Variants in FAS observed in about 807,000 individuals in gnomAD.
The protein encoded by FAS is Fas cell surface death receptor.
FAS carries 5 observed loss-of-function variants against 33.2 expected under a neutral mutation model. The ratio of observed to expected loss-of-function variants is 0.15; its 90% confidence interval spans 0.08 to 0.32. The LOEUF (loss-of-function observed/expected upper bound fraction) is 0.32, where lower values mean the gene tolerates loss of function less well. Ranked by LOEUF, FAS falls within the 10% of genes least tolerant of loss-of-function variation. The pLI is 1.00. For missense variants in FAS, 339 were observed against 386.0 expected, an observed-to-expected ratio of 0.88 and a Z score of 1.02; for synonymous variants, 131 against 130.7, an observed-to-expected ratio of 1.00 and a Z score of -0.01.
chr10:88,984,581 T>C (rs1846818646), upstream of FAS, among the ~76,000 whole-genome samples: 1 of 152,082 alleles, frequency 6.6e-6, no homozygotes, highest in East Asian at 1.9e-4. Flanking sequence ...ACTGGTTCAA[T>C]ATTGTGTTGA....
intron 1 of FAS, among the ~76,000 whole-genome samples, chr10:88,993,033 T>C (rs2133404616): frequency 6.6e-6 from 1 of 152,308 alleles, no homozygotes; most frequent in Admixed American, 6.5e-5. Flanking sequence ...GGGGAGCTGT[T>C]TTCTGCTTTT....
chr10:89,016,930 T>C lies in FAS; in HGVS notation c.*2480T>C, dbSNP rs937211472. 7 of 189,180 alleles carry C rather than the reference T, an allele frequency of 3.7e-5. No individual in the cohort carries two copies. Among genetic ancestry groups the C allele is most frequent in the African/African-American group, 1.4e-4 (6 of 42,900 alleles). 11.7% of individuals were successfully genotyped at this position (189,180 alleles called of 1,614,324 possible). On this transcript the variant is annotated 3_prime_UTR_variant, in exon 9 of 9. Coordinates refer to ENST00000652046, the MANE Select transcript of FAS (RefSeq NM_000043.6). Reference sequence around the variant, plus strand: ...TGTACAACTATCTGAATAAGGTATATAATCAATGAAATTTAGAATTTTTTT... The same window carrying C: ...TGTACAACTATCTGAATAAGGTATACAATCAATGAAATTTAGAATTTTTTT...
At chr10:88,986,695 G>GCAGGAAGGAAGTGGTA (rs1171650787), upstream of FAS, among the ~76,000 whole-genome samples, 535 of 72,186 alleles carry the variant, frequency 7.4e-3, 5 homozygotes, top group Non-Finnish European at 0.011. Flanking sequence ...AGGAAGTAGT[G>GCAGGAAGGAAGTGGTA]CAGGAAGGAA....
Position 89,015,446 on chromosome 10 carries a change from T to G in FAS, c.*996T>G, listed in dbSNP as rs1280507348. The stretch of plus-strand genomic sequence containing the variant: ...CCACCCCCGAAAATGTTCAATAATG[T>G]CCCATGTAAAACCTGCTACAAATGG... On this transcript the variant is annotated 3_prime_UTR_variant, in exon 9 of 9. Transcript: ENST00000652046. 5.6e-6 allele frequency: 3 copies of G among 533,986 alleles called. No individual in the cohort carries two copies. The highest frequency in any genetic ancestry group is 2.2e-5 in the Admixed American group (1 of 44,930). The allele number at this position is 533,986 out of a possible 1,614,324, so 33.1% of individuals were successfully genotyped here. A position where few individuals can be genotyped will look rare whatever the true frequency, so the allele number is the denominator to read the frequency against.
At position 89,010,750 on chromosome 10, in the gene FAS, C is replaced by T; in HGVS notation, c.506-3C>T. 1 of 1,614,048 alleles carries T rather than the reference C, an allele frequency of 6.2e-7. No homozygotes were observed. The highest frequency in any genetic ancestry group is 8.5e-7 in the Non-Finnish European group (1 of 1,179,970). On this transcript the variant is annotated splice_polypyrimidine_tract_variant and splice_region_variant and intron_variant, in intron 5 of 8. Coordinates refer to ENST00000652046, the MANE Select transcript of FAS (RefSeq NM_000043.6). ...ATAAAATGTCCAATGTTCCAACCTA[C>T]AGGATCCAGATCTAACTTGGGGTGG...
At chr10:89,010,006 GA>G (rs1023837418) in intron 4 of FAS, among the ~76,000 whole-genome samples, 1 of 152,134 alleles carries the variant, frequency 6.6e-6, no homozygotes, top group African/African-American at 2.4e-5. Context: ...ACCTGATTGT[GA>G]ATGTTTGTCT....
rs1354701973 is a variant in FAS, at chr10:89,016,553, T to C, written c.*2103T>C. Reference sequence around the variant, plus strand: ...TGGGAGGAAGACAGTGGAGAAGTCTTTGTACTTGGTGATGTGGTTTTTTTC... The same window carrying C: ...TGGGAGGAAGACAGTGGAGAAGTCTCTGTACTTGGTGATGTGGTTTTTTTC... On this transcript the variant is annotated 3_prime_UTR_variant, in exon 9 of 9. Transcript: ENST00000652046. 4.4e-6 allele frequency: 1 copy of C among 226,184 alleles called. No individual in the cohort carries two copies. The highest frequency in any genetic ancestry group is 2.2e-5 in the African/African-American group (1 of 44,944). 14.0% of individuals were successfully genotyped at this position (226,184 alleles called of 1,614,324 possible).
At chr10:89,007,594 C>A in intron 2 of FAS, 106 bp from the exon 3 acceptor site, 1 of 1,426,592 alleles carries the variant, frequency 7.0e-7, no homozygotes, top group Non-Finnish European at 9.6e-7. Flanking sequence ...ACCCCCCCTC[C>A]CCTTGTGTTT....
At chr10:88,986,336 G>A (rs78897170), upstream of FAS, among the ~76,000 whole-genome samples, 612 of 152,308 alleles carry the variant, frequency 4.0e-3, 2 homozygotes, top group African/African-American at 0.014. Flanking sequence ...ATGCAAAAAT[G>A]TCAGGGGAGG....
chr10:88,983,440 G>A (rs7910660), upstream of FAS, among the ~76,000 whole-genome samples: 83,525 of 151,862 alleles, frequency 0.55, 24,513 homozygotes, highest in African/African-American at 0.77. Flanking sequence ...GGCCACTGAG[G>A]TAACTAAAGA....
At chr10:89,009,367 T>C (rs1427783629) in intron 4 of FAS, among the ~76,000 whole-genome samples, 1 of 152,170 alleles carries the variant, frequency 6.6e-6, no homozygotes, top group African/African-American at 2.4e-5. Context: ...CCTGAGGAGA[T>C]GGAGGTGAAG....
Position 89,007,976 on chromosome 10 carries a change from C to T in FAS, c.334+139C>T, listed in dbSNP as rs559821285. On this transcript the variant is annotated intron_variant, in intron 3 of 8. Coordinates refer to ENST00000652046, the MANE Select transcript of FAS (RefSeq NM_000043.6). ...AGGGAAGGACAGGTGGCTAGGGTACCGCAGAACCAGGTGCCGAGCTAACTA... is the reference window on the plus strand; with the variant it reads ...AGGGAAGGACAGGTGGCTAGGGTACTGCAGAACCAGGTGCCGAGCTAACTA... The T allele has an allele frequency of 4.7e-5, 63 of 1,344,426 alleles. 1 individual carries two copies. The South Asian group carries it at 5.5e-4, about 12-fold the overall frequency. The allele number at this position is 1,344,426 out of a possible 1,614,324, so 83.3% of individuals were successfully genotyped here.
chr10:88,973,391 T>C (rs111980233), intron 2 of FAS: 173,263 of 1,401,762 alleles, frequency 0.12, 11,597 homozygotes, highest in Non-Finnish European at 0.14. Flanking sequence ...AAATCTTTCA[T>C]AGAGTTCCCG....
chr10:89,013,227 T>A, intron 7 of FAS, 116 bp from the exon 8 acceptor site: 1 of 954,094 alleles, frequency 1.0e-6, no homozygotes, highest in Non-Finnish European at 1.6e-6. Flanking sequence ...ATTTTATACA[T>A]CAAGCAACTG....
At position 89,015,087 on chromosome 10, in the gene FAS, A is replaced by T; in HGVS notation, c.*637A>T. The T allele has an allele frequency of 3.7e-6, 2 of 534,684 alleles. No individual in the cohort carries two copies. The highest frequency in any genetic ancestry group is 7.2e-6 in the Non-Finnish European group (2 of 276,624). 33.1% of individuals were successfully genotyped at this position (534,684 alleles called of 1,614,324 possible). ...GAATTCACATAGAAAACATTAAATT[A>T]TAATGTTTGACTATTATATATGTGT... is the stretch of plus-strand genomic sequence containing the variant. On this transcript the variant is annotated 3_prime_UTR_variant, in exon 9 of 9. Coordinates refer to ENST00000652046, the MANE Select transcript of FAS (RefSeq NM_000043.6).
upstream of FAS, among the ~76,000 whole-genome samples, chr10:88,988,368 G>A (rs73368839): frequency 0.04 from 6,033 of 150,242 alleles, 403 homozygotes; most frequent in African/African-American, 0.14. Flanking sequence ...TAAACATTAG[G>A]ACCAAAGGGG....
At chr10:88,984,768 G>A (rs770543069), upstream of FAS, among the ~76,000 whole-genome samples, 4 of 152,120 alleles carry the variant, frequency 2.6e-5, no homozygotes, top group Admixed American at 6.6e-5. Flanking sequence ...GAGCTAGAGT[G>A]AGAGAAAGAG....
At chr10:89,001,985 T>C (rs1847956197) in intron 1 of FAS, among the ~76,000 whole-genome samples, 1 of 152,192 alleles carries the variant, frequency 6.6e-6, no homozygotes, top group South Asian at 2.1e-4. Flanking sequence ...TGGCAAGTTT[T>C]GCCTTCCCCG....
intron 1 of FAS, chr10:88,992,371 A>T (rs3824730): frequency 0.33 from 50,035 of 152,066 alleles, 8,875 homozygotes; most frequent in East Asian, 0.52. Context: ...GCACCACTGC[A>T]ATGTTGGCTG....
Sources: allele counts gnomAD v4.1 joint callset (sites outside exome capture counted in the v4.1 genomes callset), GRCh38; gene constraint gnomAD v4.1.1; transcripts MANE v1.5; gene names NCBI Gene and HGNC (gene_info 2026-07-23, HGNC 2026-07-21).